Variants in KCNJ12 observed in about 807,000 individuals in gnomAD.
The protein encoded by KCNJ12 is potassium inwardly rectifying channel subfamily J member 12.
Under a neutral mutation model 22.3 loss-of-function variants are expected in KCNJ12, and 2 were observed. The ratio of observed to expected loss-of-function variants is 0.09; its 90% CI spans 0.04 to 0.28. The LOEUF (loss-of-function observed/expected upper bound fraction) is 0.28, where lower values mean the gene tolerates loss of function less well. KCNJ12 is among the 10% of genes least tolerant of loss of function. The probability of loss-of-function intolerance (pLI) is 1.00; values close to 1 mark genes in which losing one functional copy is unlikely to be tolerated. For synonymous variants in KCNJ12, 117 were observed against 261.4 expected (o/e 0.45, Z 5.33); for missense variants, 155 against 633.3 (o/e 0.24, Z 8.11).
intron 1 of KCNJ12, among the ~76,000 whole-genome samples, chr17:21,395,793 G>A (rs913150563): frequency 7.9e-5 from 12 of 152,192 alleles, no homozygotes; most frequent in Non-Finnish European, 1.3e-4. Context: ...GTCTTACCAC[G>A]ACTGAGTGGC....
chr17:21,390,004 C>T (rs1208148248), intron 1 of KCNJ12, among the ~76,000 whole-genome samples: 3 of 152,172 alleles, frequency 2.0e-5, no homozygotes, highest in Admixed American at 6.5e-5. Flanking sequence ...CCTCCTGCCT[C>T]ATTCCAGAAC....
Position 21,382,858 on chromosome 17 carries a change from A to AG in KCNJ12, c.-179+5948dup, listed in dbSNP as rs1177479425. Among the ~76,000 whole-genome samples the AG allele has an allele frequency of 9.6e-4, 146 of 152,308 alleles. 1 individual carries two copies. The highest frequency in any genetic ancestry group is 3.2e-3 in the African/African-American group (133 of 41,566). On this transcript the variant is annotated intron_variant, in intron 1 of 2. Transcript: ENST00000583088. ...ACCAGGTAACATGAGGACTGGCAGC[A>AG]GGGATACTTCTCAGCCCTCCCTGCC...
chr17:21,384,874 G>A (rs1009593411), intron 1 of KCNJ12, among the ~76,000 whole-genome samples: 66 of 150,596 alleles, frequency 4.4e-4, no homozygotes, highest in African/African-American at 1.6e-3. Flanking sequence ...CCGGGTTCAC[G>A]CCATTCTCCT....
Position 21,401,686 on chromosome 17 carries a change from G to A in KCNJ12, c.-178-6833G>A, listed in dbSNP as rs73310142. Among the ~76,000 whole-genome samples the A allele has an allele frequency of 6.1e-4, 93 of 152,344 alleles. No individual in the cohort carries two copies. In the East Asian group the frequency reaches 0.011, roughly 19 times the overall value. ...TGGGTGGGCTGCAGTGCTGCCTGCC[G>A]TCTTGTGATTCAGACTTTAAGGACT... On this transcript the variant is annotated intron_variant, in intron 1 of 2. Transcript: ENST00000583088.
At chr17:21,383,505 T>C (rs979975554) in intron 1 of KCNJ12, among the ~76,000 whole-genome samples, 6 of 151,914 alleles carry the variant, frequency 3.9e-5, no homozygotes, top group African/African-American at 9.7e-5. Context: ...CTTCCAGGGG[T>C]GCTGGGATCT....
In KCNJ12 at chr17:21,417,190, G is replaced by C. The variant is rs1320680964; in HGVS notation, c.*546G>C. The C allele has an allele frequency of 5.9e-6, 1 of 168,788 alleles. No individual in the cohort carries two copies. Among genetic ancestry groups the C allele is most frequent in the Non-Finnish European group, 1.4e-5 (1 of 69,462 alleles). The allele number at this position is 168,788 out of a possible 1,614,324, so 10.5% of individuals were successfully genotyped here. A position where few individuals can be genotyped will look rare whatever the true frequency, so the allele number is the denominator to read the frequency against. On this transcript the variant is annotated 3_prime_UTR_variant, in exon 3 of 3. Transcript: ENST00000583088. Reference sequence around the variant, plus strand: ...GCCAGGATGCAGCAGCTGGCTGAAGGCTCCAGAGGGTTCCCCGAGGTGGGA... The same window carrying C: ...GCCAGGATGCAGCAGCTGGCTGAAGCCTCCAGAGGGTTCCCCGAGGTGGGA...
At chr17:21,379,685 C>T (rs1478520575) in intron 1 of KCNJ12, among the ~76,000 whole-genome samples, 2 of 149,490 alleles carry the variant, frequency 1.3e-5, no homozygotes, top group Non-Finnish European at 3.0e-5. Context: ...GAACTGGCAG[C>T]GTGATGGGGA....
intron 1 of KCNJ12, among the ~76,000 whole-genome samples, chr17:21,397,655 CTT>C (rs1357016072): frequency 6.6e-6 from 1 of 152,188 alleles, no homozygotes; most frequent in African/African-American, 2.4e-5. Context: ...GAGAGGATGA[CTT>C]TGTGAGGGTG....
At chr17:21,403,273 C>CTT (rs113262887) in intron 1 of KCNJ12, among the ~76,000 whole-genome samples, 4 of 152,310 alleles carry the variant, frequency 2.6e-5, no homozygotes, top group African/African-American at 4.8e-5. Context: ...CTACTGTGTC[C>CTT]TTTTTTCTTA....
At chr17:21,386,715 C>G (rs1436342113) in intron 1 of KCNJ12, among the ~76,000 whole-genome samples, 4 of 152,046 alleles carry the variant, frequency 2.6e-5, no homozygotes, top group Non-Finnish European at 4.4e-5. Flanking sequence ...ACCATGCTGG[C>G]CAGGATAGTC....
At chr17:21,389,638 G>A (rs1421533533) in intron 1 of KCNJ12, among the ~76,000 whole-genome samples, 1 of 152,126 alleles carries the variant, frequency 6.6e-6, no homozygotes, top group African/African-American at 2.4e-5. Context: ...GCTGAGTGGA[G>A]GTCTCTGCAG....
At chr17:21,391,703 C>T (rs1905215056) in intron 1 of KCNJ12, among the ~76,000 whole-genome samples, 1 of 152,240 alleles carries the variant, frequency 6.6e-6, no homozygotes, top group Non-Finnish European at 1.5e-5. Context: ...CTAGCCCAGG[C>T]CTTTCTTCCC....
At chr17:21,386,839 G>A (rs1174195487) in intron 1 of KCNJ12, among the ~76,000 whole-genome samples, 1 of 151,894 alleles carries the variant, frequency 6.6e-6, no homozygotes, top group African/African-American at 2.4e-5. Flanking sequence ...ATTGGATTCA[G>A]GGCCCACCCT....
At chr17:21,387,350 G>A (rs1455974826) in intron 1 of KCNJ12, among the ~76,000 whole-genome samples, 2 of 146,876 alleles carry the variant, frequency 1.4e-5, no homozygotes, top group Non-Finnish European at 3.0e-5. Context: ...GCTGAGGCAG[G>A]AGAATGGCGT....
Position 21,415,620 on chromosome 17 carries a change from C to A in KCNJ12, c.278C>A (p.Ala93Asp), listed in dbSNP as rs1555562489. The A allele has an allele frequency of 1.9e-6, 3 of 1,613,854 alleles. No homozygotes were observed. In the Admixed American group the frequency reaches 5.0e-5, roughly 27 times the overall value. The change falls in exon 3 of 3, where the codon GCC becomes GAC. Residue 93 changes from alanine to aspartate, a missense_variant. Physicochemically the swap from Ala to Asp is moderately radical, Grantham distance 126 (BLOSUM62 -2). Coordinates refer to ENST00000583088, the MANE Select transcript of KCNJ12 (RefSeq NM_021012.5). ...MLLIFSLAFLASWLLFGIIFW... is the reference protein window; with the variant it reads ...MLLIFSLAFLDSWLLFGIIFW... Reference sequence around the variant, plus strand: ...CTCATCTTCTCGCTGGCCTTCCTTGCCTCCTGGCTGCTGTTCGGCATCATC... The same window carrying A: ...CTCATCTTCTCGCTGGCCTTCCTTGACTCCTGGCTGCTGTTCGGCATCATC...
chr17:21,382,579 C>A (rs916182562), intron 1 of KCNJ12, among the ~76,000 whole-genome samples: 3 of 152,202 alleles, frequency 2.0e-5, no homozygotes, highest in Non-Finnish European at 4.4e-5. Flanking sequence ...GCTTTAGTGG[C>A]CAGCAGTGAT....
chr17:21,389,574 CTT>C (rs1213805946), intron 1 of KCNJ12, among the ~76,000 whole-genome samples: 11 of 152,194 alleles, frequency 7.2e-5, no homozygotes, highest in African/African-American at 2.7e-4. Context: ...ATTCACTTAA[CTT>C]TGGGGATCCC....
At chr17:21,406,258 T>G (rs1208857325) in intron 1 of KCNJ12, among the ~76,000 whole-genome samples, 117 of 152,410 alleles carry the variant, frequency 7.7e-4, no homozygotes, top group African/African-American at 2.7e-3. Flanking sequence ...TCGGGATGAC[T>G]GCAGCCAGCT....
chr17:21,402,013 T>A (rs797038152), intron 1 of KCNJ12, among the ~76,000 whole-genome samples: 1 of 152,212 alleles, frequency 6.6e-6, no homozygotes. Context: ...CTGAGCGCCA[T>A]CGACGAAGAG....
Sources: gnomAD v4.1 joint callset for allele counts (sites outside exome capture counted in the v4.1 genomes callset) on GRCh38, gnomAD v4.1.1 for gene constraint, MANE v1.5 for transcripts, NCBI Gene and HGNC (gene_info 2026-07-23, HGNC 2026-07-21) for gene names.